Variants in CDC25C observed in about 807,000 individuals in gnomAD.
CDC25C encodes cell division cycle 25C, also known as M-phase inducer phosphatase 3.
A neutral mutation model predicts 52.5 loss-of-function variants in CDC25C; 48 were observed. That is an observed-to-expected ratio of 0.91 (90% CI 0.72 to 1.16). The LOEUF is 1.16. CDC25C is among the 50% of genes most tolerant of loss of function. The probability of loss-of-function intolerance (pLI) is 0.00; values close to 1 mark genes in which losing one functional copy is unlikely to be tolerated. For missense variants in CDC25C, 510 were observed against 566.1 expected, an observed-to-expected ratio of 0.90 and a Z score of 1.01; for synonymous variants, 187 against 206.5, an observed-to-expected ratio of 0.91 and a Z score of 0.81.
At chr5:138,316,210 C>T (rs1326585714) in intron 7 of CDC25C, among the ~76,000 whole-genome samples, 1 of 152,216 alleles carries the variant, frequency 6.6e-6, no homozygotes, top group African/African-American at 2.4e-5. Flanking sequence ...CTCCCCACCA[C>T]CCCCATATCC....
intron 7 of CDC25C, among the ~76,000 whole-genome samples, chr5:138,294,838 G>T (rs2126677527): frequency 6.6e-6 from 1 of 151,340 alleles, no homozygotes; most frequent in African/African-American, 2.4e-5. Flanking sequence ...TAGTAGAGAT[G>T]GGGTTTCACC....
Position 138,289,501 on chromosome 5 carries a change from T to G in CDC25C, c.927A>C (p.Thr309=), listed in dbSNP as rs1379757879. 3.1e-6 allele frequency: 5 copies of G among 1,611,024 alleles called. No individual in the cohort carries two copies. Among genetic ancestry groups the G allele is most frequent in the Non-Finnish European group, 4.2e-6 (5 of 1,177,150 alleles). ...TTACCATCTCCAGAAATCTGCTTAC[T>G]GTTTCTGGGTTGACATACTTCAGAT... ...HQDLKYVNPE[T]VAALLSGKFQ... Residue 309 remains threonine, a splice_region_variant and synonymous_variant, in exon 10 of 14, where the codon ACA becomes ACC. Coordinates refer to ENST00000323760, the MANE Select transcript of CDC25C (RefSeq NM_001790.5).
At chr5:138,338,063 C>T (rs1382978680) in exon 1 of CDC25C, 1 of 1,289,778 alleles carries the variant, frequency 7.8e-7, no homozygotes, top group Admixed American at 2.3e-5. Context: ...AGGAAACCAC[C>T]CCCATCCCTA....
In CDC25C at chr5:138,331,725, C is replaced by T. The variant is rs1760400374; in HGVS notation, c.-169G>A. Reference sequence around the variant, plus strand: ...GGTAGTTAACTAGATTGCAGCTCTGCCTTCCGACTGGGTAGGCCAACGTCG... The same window carrying T: ...GGTAGTTAACTAGATTGCAGCTCTGTCTTCCGACTGGGTAGGCCAACGTCG... On this transcript the variant is annotated 5_prime_UTR_variant, in exon 1 of 14. Coordinates refer to ENST00000323760, the MANE Select transcript of CDC25C (RefSeq NM_001790.5). 2 of 989,406 alleles carry T rather than the reference C, an allele frequency of 2.0e-6. No homozygotes were observed. The highest frequency in any genetic ancestry group is 2.4e-6 in the Non-Finnish European group (2 of 832,182). 61.3% of individuals were successfully genotyped at this position (989,406 alleles called of 1,614,324 possible).
At chr5:138,317,921 C>T (rs1000849237) in intron 7 of CDC25C, among the ~76,000 whole-genome samples, 3 of 152,114 alleles carry the variant, frequency 2.0e-5, no homozygotes, top group African/African-American at 7.2e-5. Flanking sequence ...CATTACTTAT[C>T]CTAGATTACT....
intron 10 of CDC25C, among the ~76,000 whole-genome samples, chr5:138,288,963 T>C (rs1756485127): frequency 6.6e-6 from 1 of 152,134 alleles, no homozygotes; most frequent in African/African-American, 2.4e-5. Flanking sequence ...CTCCCTTTTT[T>C]CTTAAGTAAT....
intron 6 of CDC25C, among the ~76,000 whole-genome samples, chr5:138,323,353 A>G (rs1373438298): frequency 6.6e-6 from 1 of 152,050 alleles, no homozygotes; most frequent in African/African-American, 2.4e-5. Flanking sequence ...TGCTCAAGCA[A>G]TCCTCCCAAT....
chr5:138,322,339 G>A (rs201662754), intron 6 of CDC25C, among the ~76,000 whole-genome samples: 17 of 151,866 alleles, frequency 1.1e-4, no homozygotes, highest in Admixed American at 6.6e-4. Context: ...TCGCTCTGTC[G>A]CCCAGGCTGG....
At chr5:138,290,782 T>A (rs758827341) in intron 8 of CDC25C, 42 bp from the exon 9 acceptor site, 4 of 1,231,772 alleles carry the variant, frequency 3.2e-6, no homozygotes, top group Non-Finnish European at 4.8e-6. Context: ...AATCCTCATG[T>A]TAAAGGTTTA....
intron 7 of CDC25C, among the ~76,000 whole-genome samples, chr5:138,317,272 A>T (rs1758951356): frequency 6.6e-6 from 1 of 152,082 alleles, no homozygotes; most frequent in Non-Finnish European, 1.5e-5. Flanking sequence ...AAGCATGAGG[A>T]CTAGAATGCA....
chr5:138,329,723 CTTCT>C (rs1333245419), intron 2 of CDC25C, 76 bp from the exon 3 acceptor site: 3 of 488,628 alleles, frequency 6.1e-6, no homozygotes, highest in South Asian at 5.0e-5. Context: ...ATGTCATCCT[CTTCT>C]TTTTTTTTTT....
upstream of CDC25C, among the ~76,000 whole-genome samples, chr5:138,334,558 G>C (rs187157047): frequency 0.012 from 1,804 of 148,336 alleles, 34 homozygotes; most frequent in African/African-American, 0.043. Flanking sequence ...CGCTGTGTTG[G>C]CCAGGCTGGT....
chr5:138,297,557 A>G (rs1757308910), intron 7 of CDC25C, among the ~76,000 whole-genome samples: 1 of 152,054 alleles, frequency 6.6e-6, no homozygotes, highest in Non-Finnish European at 1.5e-5. Flanking sequence ...GCCATAGGTA[A>G]TTTCTTCTAC....
At chr5:138,334,363 A>C (rs1760582887), upstream of CDC25C, among the ~76,000 whole-genome samples, 1 of 152,126 alleles carries the variant, frequency 6.6e-6, no homozygotes, top group Non-Finnish European at 1.5e-5. Context: ...ACAACAACAA[A>C]AAAACTTTTT....
At chr5:138,302,057 C>T (rs1298666357) in intron 7 of CDC25C, among the ~76,000 whole-genome samples, 4 of 151,242 alleles carry the variant, frequency 2.6e-5, no homozygotes, top group Admixed American at 2.0e-4. Flanking sequence ...TGCAGTGGCA[C>T]GATCTCAGCT....
rs1398026510 is a variant in CDC25C at position 138,326,168 on chromosome 5, A to G, written c.336-114T>C. ...ATTTCATTCTAGGAGCCCTATTCCTAGTTGATATGTCTCTTCCAACAACAA... is the reference window on the plus strand; with the variant it reads ...ATTTCATTCTAGGAGCCCTATTCCTGGTTGATATGTCTCTTCCAACAACAA... On this transcript the variant is annotated intron_variant, in intron 4 of 13. Transcript: ENST00000323760. The G allele has an allele frequency of 4.0e-5, 41 of 1,034,304 alleles. 1 individual carries two copies. Among genetic ancestry groups the G allele is most frequent in the Middle Eastern group, 2.1e-4 (1 of 4,844 alleles). 64.1% of individuals were successfully genotyped at this position (1,034,304 alleles called of 1,614,324 possible). A position where few individuals can be genotyped will look rare whatever the true frequency, so the allele number is the denominator to read the frequency against.
At chr5:138,323,485 G>C (rs1404004450) in intron 6 of CDC25C, among the ~76,000 whole-genome samples, 1 of 151,650 alleles carries the variant, frequency 6.6e-6, no homozygotes, top group Non-Finnish European at 1.5e-5. Flanking sequence ...TTGGTTGGGG[G>C]GTGGGGTAGA....
At chr5:138,328,033 A>C (rs1433186628) in intron 4 of CDC25C, among the ~76,000 whole-genome samples, 1 of 152,136 alleles carries the variant, frequency 6.6e-6, no homozygotes, top group Non-Finnish European at 1.5e-5. Flanking sequence ...CATCCAGCTA[A>C]TTTTTGTATT....
At chr5:138,303,033 C>T (rs1037279330) in intron 7 of CDC25C, among the ~76,000 whole-genome samples, 2 of 152,120 alleles carry the variant, frequency 1.3e-5, no homozygotes, top group African/African-American at 4.8e-5. Context: ...TTGTGCCACG[C>T]ACTCCAGCCT....
Sources: gnomAD v4.1 joint callset for allele counts (sites outside exome capture counted in the v4.1 genomes callset) on GRCh38, gnomAD v4.1.1 for gene constraint, MANE v1.5 for transcripts, NCBI Gene and HGNC (gene_info 2026-07-23, HGNC 2026-07-21) for gene names.